Variants in ZFHX3 observed in about 807,000 individuals in gnomAD.
The protein encoded by ZFHX3 is zinc finger homeobox protein 3.
Under a neutral mutation model 279.1 loss-of-function variants are expected in ZFHX3, and 42 were observed. That is an observed-to-expected ratio of 0.15 (90% CI 0.12 to 0.19). The LOEUF (loss-of-function observed/expected upper bound fraction) is 0.19. Ranked by LOEUF, ZFHX3 falls within the 10% of genes least tolerant of loss-of-function variation. The pLI is 1.00. For synonymous variants in ZFHX3, 2,293 were observed against 1,957.8 expected, an observed-to-expected ratio of 1.17 and a Z score of -4.52; for missense variants, 4,981 against 4,754.0, an observed-to-expected ratio of 1.05 and a Z score of -1.40.
At chr16:73,281,768 T>C (rs1444032867) in intron 4 of ZFHX3, among the ~76,000 whole-genome samples, 3 of 152,200 alleles carry the variant, frequency 2.0e-5, no homozygotes, top group Admixed American at 6.5e-5. Flanking sequence ...TAAATATGCA[T>C]AGCTTTTTAT....
intron 2 of ZFHX3, among the ~76,000 whole-genome samples, chr16:73,632,785 T>G (rs903029357): frequency 2.6e-5 from 4 of 151,310 alleles, no homozygotes; most frequent in African/African-American, 9.7e-5. Context: ...ATAAAAAGAC[T>G]GACAGCTGTG....
intron 1 of ZFHX3, among the ~76,000 whole-genome samples, chr16:73,031,359 G>A (rs934757546): frequency 2.0e-5 from 3 of 152,128 alleles, no homozygotes; most frequent in Admixed American, 6.5e-5. Context: ...AGGAAAACAC[G>A]AAGTTCCCGA....
rs192267611 is a variant in ZFHX3 at position 73,463,932 on chromosome 16, A to T, written c.-1546-7674T>A. Among the ~76,000 whole-genome samples the T allele has an allele frequency of 1.0e-3, 155 of 152,370 alleles. 1 individual carries two copies. The highest frequency in any genetic ancestry group is 3.2e-4 in the Non-Finnish European group (22 of 68,034). ...TCCTTTTTTTGCTCACTTTGGGGTCAGTGAACTTATTTATTAAAACGTCTA... is the reference window on the plus strand; with the variant it reads ...TCCTTTTTTTGCTCACTTTGGGGTCTGTGAACTTATTTATTAAAACGTCTA... On this transcript the variant is annotated intron_variant, in intron 2 of 17. Coordinates refer to the ZFHX3 transcript ENST00000641206.
At chr16:73,214,670 T>C (rs558462816) in intron 5 of ZFHX3, among the ~76,000 whole-genome samples, 1 of 152,206 alleles carries the variant, frequency 6.6e-6, no homozygotes, top group African/African-American at 2.4e-5. Flanking sequence ...TGGTTTCAGT[T>C]ATGATACACC....
intron 3 of ZFHX3, among the ~76,000 whole-genome samples, chr16:73,378,119 G>A (rs965410841): frequency 6.8e-6 from 1 of 146,062 alleles, no homozygotes; most frequent in Non-Finnish European, 1.5e-5. Flanking sequence ...ATCAGATGGA[G>A]CTAATAGGTC....
intron 3 of ZFHX3, among the ~76,000 whole-genome samples, chr16:72,933,160 TC>T (rs1351851374): frequency 3.3e-5 from 5 of 152,298 alleles, no homozygotes; most frequent in African/African-American, 1.2e-4. Context: ...AATGGTCAGA[TC>T]CCATTAGATT....
intron 2 of ZFHX3, among the ~76,000 whole-genome samples, chr16:73,467,535 A>G (rs1229256614): frequency 6.6e-6 from 1 of 152,208 alleles, no homozygotes; most frequent in African/African-American, 2.4e-5. Flanking sequence ...AATACAATAA[A>G]AATAAAAGCT....
At chr16:73,113,694 G>T (rs1343789251) in intron 7 of ZFHX3, among the ~76,000 whole-genome samples, 1 of 151,726 alleles carries the variant, frequency 6.6e-6, no homozygotes, top group Non-Finnish European at 1.5e-5. Context: ...GGCGGGTCTT[G>T]GTTCCTACTA....
chr16:73,211,346 A>G lies in ZFHX3; in HGVS notation c.-1104+45701T>C, dbSNP rs1211624528. ...GGACTTTTCTTGAAGTCAATGCCCA[A>G]TGACACTTGAGAGTGATTATTAAGA... On this transcript the variant is annotated intron_variant, in intron 5 of 17. Transcript: ENST00000641206. Among the ~76,000 whole-genome samples, 5 of 152,186 alleles carry G rather than the reference A, an allele frequency of 3.3e-5. 1 individual carries two copies. The highest frequency in any genetic ancestry group is 1.9e-4 in the East Asian group (1 of 5,196).
chr16:72,795,515 C>G lies in ZFHX3; in HGVS notation c.7167G>C (p.Gln2389His). ...SSSCSTPMPS[Q>H]AYSAPAPSAN... ...CTGATGGTGCTGGGGCGCTGTAAGC[C>G]TGTGAGGGCATCGGGGTACTGCAGG... The change falls in exon 9 of 10, where the codon CAG becomes CAC. Residue 2389 changes from glutamine to histidine, a missense_variant. Physicochemically the swap from Gln to His is conservative, Grantham distance 24. Around this residue, in one of 7 missense-constraint regions of ZFHX3, gnomAD observed 744 missense variants for 701.3 expected, o/e 1.06. Transcript: ENST00000268489. 1 of 1,614,108 alleles carries G rather than the reference C, an allele frequency of 6.2e-7. No homozygotes were observed. Among genetic ancestry groups the G allele is most frequent in the Non-Finnish European group, 8.5e-7 (1 of 1,180,028 alleles).
At chr16:73,088,368 G>A (rs1207341820) in intron 8 of ZFHX3, among the ~76,000 whole-genome samples, 1 of 152,080 alleles carries the variant, frequency 6.6e-6, no homozygotes, top group Admixed American at 6.6e-5. Flanking sequence ...ACCCCAGCTG[G>A]TCTCAAACTC....
At chr16:73,682,903 A>AG (rs2053030904) in intron 1 of ZFHX3, among the ~76,000 whole-genome samples, 2 of 16,486 alleles carry the variant, frequency 1.2e-4, no homozygotes, top group African/African-American at 3.2e-4. Flanking sequence ...AGAAAGAAAG[A>AG]AAGAGAAAGA....
At chr16:73,671,098 C>T (rs1203523189) in intron 2 of ZFHX3, among the ~76,000 whole-genome samples, 1 of 152,142 alleles carries the variant, frequency 6.6e-6, no homozygotes, top group Non-Finnish European at 1.5e-5. Context: ...ACAAAGGACT[C>T]CTGTGGATTT....
chr16:73,410,263 A>G (rs1411238385), intron 3 of ZFHX3, among the ~76,000 whole-genome samples: 1 of 152,138 alleles, frequency 6.6e-6, no homozygotes, highest in African/African-American at 2.4e-5. Flanking sequence ...TAAAAATACA[A>G]AAATTAGCTA....
intron 4 of ZFHX3, among the ~76,000 whole-genome samples, chr16:72,857,879 C>T (rs2037792009): frequency 6.6e-6 from 1 of 152,188 alleles, no homozygotes; most frequent in Non-Finnish European, 1.5e-5. Flanking sequence ...AAGTTGCCTT[C>T]CCCACCAAAA....
At chr16:73,492,925 A>G (rs2019078088) in intron 2 of ZFHX3, among the ~76,000 whole-genome samples, 1 of 151,518 alleles carries the variant, frequency 6.6e-6, no homozygotes, top group Non-Finnish European at 1.5e-5. Flanking sequence ...CATCGAGTAC[A>G]TAGTAGGTGC....
chr16:73,728,016 C>CCCG (rs1555535412), intron 1 of ZFHX3, among the ~76,000 whole-genome samples: 3 of 4,132 alleles, frequency 7.3e-4, no homozygotes, highest in Non-Finnish European at 1.5e-3. Flanking sequence ...CCGAATTGTG[C>CCCG]CCCCCCCCCG....
intron 2 of ZFHX3, among the ~76,000 whole-genome samples, chr16:73,518,974 G>A (rs1359151748): frequency 6.6e-6 from 1 of 152,210 alleles, no homozygotes; most frequent in East Asian, 1.9e-4. Context: ...GTCCAGGAAT[G>A]TCTCAAAGGC....
intron 4 of ZFHX3, among the ~76,000 whole-genome samples, chr16:73,275,458 AG>A (rs2014270175): frequency 6.6e-6 from 1 of 152,150 alleles, no homozygotes; most frequent in Non-Finnish European, 1.5e-5. Context: ...GTCTTTCACT[AG>A]GGGGTCTTTT....
Sources: allele counts gnomAD v4.1 joint callset (sites outside exome capture counted in the v4.1 genomes callset), GRCh38; gene constraint gnomAD v4.1.1; regional missense constraint gnomAD v4.1.1; transcripts MANE v1.5; gene names NCBI Gene and HGNC (gene_info 2026-07-23, HGNC 2026-07-21).